The following XPR1 variants were observed in gnomAD, a reference collection of about 807,000 sequenced individuals.
XPR1 encodes xenotropic and polytropic retrovirus receptor 1, also known as solute carrier family 53 member 1.
XPR1 carries 28 observed loss-of-function variants against 87.5 expected under a neutral mutation model. The ratio of observed to expected loss-of-function variants is 0.32; its 90% CI spans 0.24 to 0.44. The LOEUF is 0.44. Among genes scored for constraint, XPR1 ranks in the 20% least tolerant of loss-of-function variants. The pLI, the probability that XPR1 is intolerant of heterozygous loss-of-function variation, is 1.00. For synonymous variants in XPR1, 300 were observed against 306.1 expected (o/e 0.98, Z 0.21); for missense variants, 559 against 862.3 (o/e 0.65, Z 4.41).
chr1:180,797,860 T>C (rs1364034614), intron 3 of XPR1, among the ~76,000 whole-genome samples: 1 of 152,188 alleles, frequency 6.6e-6, no homozygotes, highest in African/African-American at 2.4e-5. Context: ...TCTTTTGGCC[T>C]AGAAGCATCA....
intron 12 of XPR1, among the ~76,000 whole-genome samples, chr1:180,864,780 C>A (rs895220782): frequency 3.3e-5 from 5 of 152,008 alleles, no homozygotes; most frequent in Non-Finnish European, 5.9e-5. Flanking sequence ...ATGATTAGAC[C>A]TTGAAAGAAA....
chr1:180,840,291 T>A (rs1346818932), intron 11 of XPR1, among the ~76,000 whole-genome samples: 1 of 150,462 alleles, frequency 6.6e-6, no homozygotes, highest in African/African-American at 2.4e-5. Flanking sequence ...AGTGACAGCG[T>A]CACCTTTAGA....
In XPR1 at chr1:180,887,682, C is replaced by A. The variant is rs185830472; in HGVS notation, c.*3616C>A. The A allele has an allele frequency of 6.6e-5, 10 of 152,192 alleles. No individual in the cohort carries two copies. Among genetic ancestry groups the A allele is most frequent in the Non-Finnish European group, 1.2e-4 (8 of 68,038 alleles). The allele number at this position is 152,192 out of a possible 1,614,324, so 9.4% of individuals were successfully genotyped here. ...CAAAGGTGTGGGAGAACACCATTCA[C>A]CTCAGTAGTAACTTATAAAAACCGT... is the stretch of plus-strand genomic sequence containing the variant. On this transcript the variant is annotated 3_prime_UTR_variant, in exon 15 of 15. Coordinates refer to ENST00000367590, the MANE Select transcript of XPR1 (RefSeq NM_004736.4).
intron 11 of XPR1, among the ~76,000 whole-genome samples, chr1:180,839,251 A>G (rs1651421159): frequency 6.6e-6 from 1 of 152,214 alleles, no homozygotes; most frequent in Admixed American, 6.5e-5. Flanking sequence ...CAAAGAGTTG[A>G]AAATAAATAA....
At chr1:180,731,932 C>G (rs1418067190) in intron 2 of XPR1, among the ~76,000 whole-genome samples, 1 of 152,060 alleles carries the variant, frequency 6.6e-6, no homozygotes, top group Non-Finnish European at 1.5e-5. Context: ...GTGGCTCATG[C>G]CTGTAATCCC....
chr1:180,777,605 T>A (rs1648772467), intron 2 of XPR1, among the ~76,000 whole-genome samples: 1 of 152,208 alleles, frequency 6.6e-6, no homozygotes, highest in African/African-American at 2.4e-5. Context: ...GATTTTAGAG[T>A]AACATTTTTT....
At chr1:180,715,872 C>T (rs767248181) in intron 2 of XPR1, among the ~76,000 whole-genome samples, 15 of 152,034 alleles carry the variant, frequency 9.9e-5, no homozygotes, top group Non-Finnish European at 1.3e-4. Flanking sequence ...GGGGTTTCTC[C>T]GTGTTGCTCA....
chr1:180,750,782 C>G (rs1647502292), intron 2 of XPR1, among the ~76,000 whole-genome samples: 1 of 151,866 alleles, frequency 6.6e-6, no homozygotes, highest in African/African-American at 2.4e-5. Context: ...AAAACAGTCT[C>G]CTGGGATTTT....
chr1:180,661,637 A>AG (rs780779569), intron 1 of XPR1, among the ~76,000 whole-genome samples: 2 of 152,060 alleles, frequency 1.3e-5, no homozygotes, highest in East Asian at 1.9e-4. Context: ...TGGGAGGCCA[A>AG]GGGGGGCAGA....
intron 2 of XPR1, among the ~76,000 whole-genome samples, chr1:180,694,775 A>ACG (rs1657107187): frequency 3.0e-5 from 1 of 33,738 alleles, no homozygotes; most frequent in Non-Finnish European, 5.5e-5. Context: ...TGTTGTGTGC[A>ACG]CACACACACA....
In XPR1 at chr1:180,799,195, A is replaced by T. The variant is rs118026136; in HGVS notation, c.224-4193A>T. On this transcript the variant is annotated intron_variant, in intron 3 of 14. Transcript: ENST00000367590. ...CTGATGGAAGCATTTTCCCCTTGAG[A>T]ACTAACCAACAGTCAGAGTTTAAGT... Among the ~76,000 whole-genome samples the T allele has an allele frequency of 3.0e-4, 46 of 152,338 alleles. 2 individuals carry two copies. In the East Asian group the frequency reaches 8.7e-3, roughly 29 times the overall value.
At chr1:180,740,770 G>A (rs574516984) in intron 2 of XPR1, among the ~76,000 whole-genome samples, 4 of 152,108 alleles carry the variant, frequency 2.6e-5, no homozygotes, top group Non-Finnish European at 5.9e-5. Flanking sequence ...AGAAATTTAA[G>A]GTTAGGGAAA....
At chr1:180,683,082 G>A (rs1437938976) in intron 2 of XPR1, among the ~76,000 whole-genome samples, 10 of 151,458 alleles carry the variant, frequency 6.6e-5, no homozygotes, top group East Asian at 1.9e-4. Flanking sequence ...TTAACTCGTC[G>A]TTTAGCATTA....
At chr1:180,734,756 G>A (rs1218369855) in intron 2 of XPR1, among the ~76,000 whole-genome samples, 1 of 152,150 alleles carries the variant, frequency 6.6e-6, no homozygotes, top group African/African-American at 2.4e-5. Context: ...TTAGTAGGAA[G>A]AACCTACCAT....
intron 2 of XPR1, among the ~76,000 whole-genome samples, chr1:180,726,906 G>A (rs1320624027): frequency 2.0e-5 from 3 of 148,926 alleles, no homozygotes; most frequent in Admixed American, 1.3e-4. Context: ...ATGGAGTCTC[G>A]CTTTGGCGCC....
intron 2 of XPR1, among the ~76,000 whole-genome samples, chr1:180,709,988 C>T (rs933314565): frequency 6.6e-6 from 1 of 151,706 alleles, no homozygotes; most frequent in Non-Finnish European, 1.5e-5. Context: ...TCACTGCAAC[C>T]TCTGCCTCCC....
Position 180,682,833 on chromosome 1 carries a change from CGTGT to C in XPR1, c.121+439_121+442del, listed in dbSNP as rs571473950. Among the ~76,000 whole-genome samples, 738 of 146,224 alleles carry C rather than the reference CGTGT, an allele frequency of 5.0e-3. 2 individuals are homozygous for C. Among genetic ancestry groups the C allele is most frequent in the Non-Finnish European group, 8.3e-3 (549 of 66,106 alleles). On this transcript the variant is annotated intron_variant, in intron 2 of 14. Coordinates refer to ENST00000367590, the MANE Select transcript of XPR1 (RefSeq NM_004736.4). ...TTTACAATGGATGTGTGTGTGTGTGCGTGTGTGTGTGTGTGTGTGTAAGCATGTT... is the reference window on the plus strand; with the variant it reads ...TTTACAATGGATGTGTGTGTGTGTGCGTGTGTGTGTGTGTGTAAGCATGTT...
intron 2 of XPR1, among the ~76,000 whole-genome samples, chr1:180,731,958 C>T (rs1010191937): frequency 6.6e-6 from 1 of 151,976 alleles, no homozygotes; most frequent in African/African-American, 2.4e-5. Context: ...TTTGGGAGAC[C>T]AAGGTGGGCA....
rs1254945069 is a variant in XPR1 at position 180,880,309 on chromosome 1, T to C, written c.2030+12T>C. Reference sequence around the variant, plus strand: ...CGCCTCGCTTCTCAGTATGTATGGCTTCTACTTCTGTGAGGCATATTTCCT... The same window carrying C: ...CGCCTCGCTTCTCAGTATGTATGGCCTCTACTTCTGTGAGGCATATTTCCT... On this transcript the variant is annotated intron_variant, in intron 14 of 14. Coordinates refer to ENST00000367590, the MANE Select transcript of XPR1 (RefSeq NM_004736.4). 2 of 1,613,834 alleles carry C rather than the reference T, an allele frequency of 1.2e-6. No homozygotes were observed. Among genetic ancestry groups the C allele is most frequent in the Admixed American group, 1.7e-5 (1 of 60,024 alleles).
Sources: gnomAD v4.1 joint callset for allele counts (sites outside exome capture counted in the v4.1 genomes callset) on GRCh38, gnomAD v4.1.1 for gene constraint, MANE v1.5 for transcripts, NCBI Gene and HGNC (gene_info 2026-07-23, HGNC 2026-07-21) for gene names.